WDHD1: variants seen among roughly 807,000 people sequenced by gnomAD.
WDHD1 encodes WD repeat and HMG-box DNA-binding protein 1.
In WDHD1, 111 loss-of-function variants were observed where a neutral mutation model predicts 135.4. That is an observed-to-expected ratio of 0.82 (90% CI 0.70 to 0.96). WDHD1 has a LOEUF of 0.96. WDHD1 is among the 40% of genes least tolerant of loss of function. The probability of loss-of-function intolerance (pLI) is 0.00; values close to 1 mark genes in which losing one functional copy is unlikely to be tolerated. For synonymous variants in WDHD1, 434 were observed against 439.0 expected, an observed-to-expected ratio of 0.99 and a Z score of 0.14; for missense variants, 1,351 against 1,336.3, an observed-to-expected ratio of 1.01 and a Z score of -0.17.
At chr14:55,007,656 G>A (rs544655640) in intron 6 of WDHD1, among the ~76,000 whole-genome samples, 3 of 152,194 alleles carry the variant, frequency 2.0e-5, no homozygotes, top group East Asian at 1.9e-4. Flanking sequence ...ACCCCAATAC[G>A]TGAAATTCTT....
intron 10 of WDHD1, among the ~76,000 whole-genome samples, chr14:54,996,081 T>C (rs2041873847): frequency 6.6e-6 from 1 of 152,140 alleles, no homozygotes; most frequent in South Asian, 2.1e-4. Flanking sequence ...TATGCCAAAA[T>C]ATAAAATAAG....
intron 21 of WDHD1, among the ~76,000 whole-genome samples, chr14:54,961,652 C>T (rs1229196728): frequency 3.9e-5 from 6 of 152,026 alleles, no homozygotes; most frequent in East Asian, 1.9e-4. Context: ...ATGTGTCATA[C>T]GCTCTTTTCA....
intron 2 of WDHD1, among the ~76,000 whole-genome samples, chr14:55,020,969 T>C (rs751117536): frequency 3.3e-5 from 5 of 152,172 alleles, no homozygotes; most frequent in Non-Finnish European, 7.3e-5. Flanking sequence ...ATCCTTATCG[T>C]CTTCACAGTG....
intron 24 of WDHD1, among the ~76,000 whole-genome samples, chr14:54,948,447 C>CT (rs2040973057): frequency 6.6e-6 from 1 of 152,206 alleles, no homozygotes; most frequent in African/African-American, 2.4e-5. Context: ...TGGAGCCTCA[C>CT]TCATTGCTAG....
intron 16 of WDHD1, among the ~76,000 whole-genome samples, chr14:54,974,081 A>G (rs192768003): frequency 1.1e-4 from 16 of 151,348 alleles, no homozygotes; most frequent in African/African-American, 3.9e-4. Context: ...AACCACCTGG[A>G]AGAGGAATTT....
intron 9 of WDHD1, 56 bp from the exon 10 acceptor site, chr14:55,000,700 A>G (rs1201598608): frequency 9.5e-6 from 13 of 1,371,704 alleles, no homozygotes; most frequent in Middle Eastern, 1.9e-4. Flanking sequence ...TAAATTGTAC[A>G]TTTCTTTAGG....
intron 24 of WDHD1, among the ~76,000 whole-genome samples, chr14:54,955,243 T>C (rs1484780326): frequency 6.6e-6 from 1 of 152,208 alleles, no homozygotes; most frequent in African/African-American, 2.4e-5. Flanking sequence ...TTATTATCAC[T>C]CTTCTTTTTG....
At chr14:54,960,254 G>A (rs2041229025) in intron 21 of WDHD1, among the ~76,000 whole-genome samples, 1 of 151,910 alleles carries the variant, frequency 6.6e-6, no homozygotes, top group South Asian at 2.1e-4. Context: ...TGCAAGCTCT[G>A]CCTCCCGGGT....
chr14:55,012,514 A>G (rs1472699325), intron 3 of WDHD1, among the ~76,000 whole-genome samples: 1 of 152,240 alleles, frequency 6.6e-6, no homozygotes, highest in Non-Finnish European at 1.5e-5. Flanking sequence ...AAAGTTAATG[A>G]AACATTCCCG....
chr14:55,001,383 C>G (rs1294550051), intron 8 of WDHD1, among the ~76,000 whole-genome samples: 1 of 152,182 alleles, frequency 6.6e-6, no homozygotes, highest in Non-Finnish European at 1.5e-5. Context: ...GCCTCAGCCT[C>G]CCAGGTAGCT....
chr14:55,019,865 T>C (rs561360593), intron 2 of WDHD1, among the ~76,000 whole-genome samples: 1 of 152,300 alleles, frequency 6.6e-6, no homozygotes, highest in East Asian at 1.9e-4. Flanking sequence ...CTAGACTCCA[T>C]CTCAACAAAA....
chr14:55,026,947 G>C (rs1033562450), intron 1 of WDHD1, 81 bp downstream of exon 1: 1 of 708,176 alleles, frequency 1.4e-6, no homozygotes, highest in African/African-American at 1.8e-5. Flanking sequence ...GCGGGATAAG[G>C]CAGAGGGTCT....
In WDHD1 at chr14:54,949,598, A is replaced by G. The variant is rs537122564; in HGVS notation, c.3051-5128T>C. Among the ~76,000 whole-genome samples the G allele has an allele frequency of 3.2e-3, 485 of 152,364 alleles. 3 individuals carry two copies. The highest frequency in any genetic ancestry group is 0.011 in the African/African-American group (458 of 41,596). On this transcript the variant is annotated intron_variant, in intron 24 of 25. Transcript: ENST00000360586. Reference sequence around the variant, plus strand: ...ACTCTGCAGGATACTATCCAGGAGAACTTCCCCAACCTAGCAAGGCAGGCC... The same window carrying G: ...ACTCTGCAGGATACTATCCAGGAGAGCTTCCCCAACCTAGCAAGGCAGGCC...
At chr14:54,995,957 A>G in intron 10 of WDHD1, 144 bp from the exon 11 acceptor site, 1 of 600,104 alleles carries the variant, frequency 1.7e-6, no homozygotes, top group Non-Finnish European at 2.8e-6. Context: ...TAGTAAATGT[A>G]TTTATGAGAA....
At chr14:55,007,231 T>TTAAAA (rs1555371802) in intron 7 of WDHD1, 49 bp downstream of exon 7, 10 of 1,056,772 alleles carry the variant, frequency 9.5e-6, no homozygotes, top group African/African-American at 6.9e-5. Flanking sequence ...CCATCTCTAA[T>TTAAAA]AAAAAAAAAA....
chr14:55,021,776 T>G (rs1484529944), intron 2 of WDHD1, among the ~76,000 whole-genome samples: 1 of 152,236 alleles, frequency 6.6e-6, no homozygotes, highest in African/African-American at 2.4e-5. Context: ...ATCTCCTTCA[T>G]GATTTCCTTG....
intron 7 of WDHD1, 45 bp downstream of exon 7, chr14:55,007,231 TAAAA>T (rs369698327): frequency 1.7e-4 from 184 of 1,055,696 alleles, no homozygotes; most frequent in Admixed American, 2.2e-4. Context: ...CCATCTCTAA[TAAAA>T]AAAAAAAAAA....
Position 54,962,770 on chromosome 14 carries a change from T to A in WDHD1, c.2615A>T (p.Asp872Val). The change falls in exon 20 of 26, where the codon GAT becomes GTT. Residue 872 changes from aspartate (D) to valine (V), a missense_variant. Around this residue, in one of 2 missense-constraint regions of WDHD1, gnomAD observed 1,330 missense variants for 1,296.1 expected, o/e 1.03. Coordinates refer to ENST00000360586, the MANE Select transcript of WDHD1 (RefSeq NM_007086.4). ...ATGTATTTCTGGTTTTTCTTCATCATCAGCTTCTCCACTGTCCTCAGCATC... is the reference window on the plus strand; with the variant it reads ...ATGTATTTCTGGTTTTTCTTCATCAACAGCTTCTCCACTGTCCTCAGCATC... ...EEDAEDSGEA[D>V]DEEKPEIHKP... is the part of the protein sequence containing the mutation. 6.2e-7 allele frequency: 1 copy of A among 1,613,944 alleles called. No homozygotes were observed. Among genetic ancestry groups the A allele is most frequent in the Non-Finnish European group, 8.5e-7 (1 of 1,180,016 alleles).
intron 24 of WDHD1, among the ~76,000 whole-genome samples, chr14:54,945,126 T>G (rs1055488997): frequency 6.6e-6 from 1 of 152,160 alleles, no homozygotes; most frequent in Admixed American, 6.6e-5. Context: ...CTTTTTCTAT[T>G]TCCCCAAACC....
Sources: allele counts gnomAD v4.1 joint callset (sites outside exome capture counted in the v4.1 genomes callset), GRCh38; gene constraint gnomAD v4.1.1; regional missense constraint gnomAD v4.1.1; transcripts MANE v1.5; gene names NCBI Gene and HGNC (gene_info 2026-07-23, HGNC 2026-07-21).